PCED1B: variants seen among roughly 807,000 people sequenced by gnomAD.
The protein encoded by PCED1B is PC-esterase domain containing 1B, also known as PC-esterase domain-containing protein 1B.
For missense variants in PCED1B, 573 were observed against 573.9 expected (o/e 1.00, Z 0.02); for synonymous variants, 251 against 246.1 (o/e 1.02, Z -0.19).
chr12:47,139,868 T>C (rs1940526903), intron 2 of PCED1B, among the ~76,000 whole-genome samples: 1 of 152,020 alleles, frequency 6.6e-6, no homozygotes, highest in African/African-American at 2.4e-5. Context: ...TGCAGTATGG[T>C]ATGTGTGTAT....
At chr12:47,227,335 A>C (rs866881) in intron 3 of PCED1B, among the ~76,000 whole-genome samples, 103,832 of 151,572 alleles carry the variant, frequency 0.69, 35,710 homozygotes, top group African/African-American at 0.74. Context: ...TGATGCCCAC[A>C]TAATTTTTGT....
At position 47,205,357 on chromosome 12, in the gene PCED1B, G is replaced by A. The variant is rs58173676; in HGVS notation, c.-525-10865G>A. On this transcript the variant is annotated intron_variant, in intron 2 of 3. Coordinates refer to ENST00000546455, the MANE Select transcript of PCED1B (RefSeq NM_138371.3). The stretch of plus-strand genomic sequence containing the variant: ...TTTTATTATAGTGACGTTATCCCCA[G>A]GAGCAATTTGGAAAGGTTCAGAATC... Among the ~76,000 whole-genome samples the A allele has an allele frequency of 1.1e-4, 17 of 152,256 alleles. No homozygotes were observed. The East Asian group carries it at 3.1e-3, about 28-fold the overall frequency.
At position 47,236,313 on chromosome 12, in the gene PCED1B, G is replaced by A. The variant is rs753668115; in HGVS notation, c.1250G>A (p.Arg417Gln). The A allele has an allele frequency of 2.8e-5, 45 of 1,612,302 alleles. No individual in the cohort carries two copies. Among genetic ancestry groups the A allele is most frequent in the Non-Finnish European group, 3.4e-5 (40 of 1,179,236 alleles). Residue 417 changes from arginine to glutamine, a missense_variant, in exon 4 of 4, where the codon CGA (arginine) becomes CAA (glutamine). Physicochemically the swap from Arg to Gln is conservative, Grantham distance 43 (BLOSUM62 1). Coordinates refer to ENST00000546455, the MANE Select transcript of PCED1B (RefSeq NM_138371.3). ...TATACGCCCTGGGGACAGCGGCCTC[G>A]ACCTTCAAAGAGAAGGGCCCCAGCC... Reference protein sequence around the residue: ...GPYTPWGQRPRPSKRRAPANP... With the variant: ...GPYTPWGQRPQPSKRRAPANP...
chr12:47,177,206 G>A (rs1021979000), intron 2 of PCED1B, among the ~76,000 whole-genome samples: 1 of 152,192 alleles, frequency 6.6e-6, no homozygotes, highest in Non-Finnish European at 1.5e-5. Flanking sequence ...TCATCTGGGG[G>A]CATATGAGGA....
At chr12:47,110,446 G>A (rs1396419244) in intron 2 of PCED1B, among the ~76,000 whole-genome samples, 1 of 152,168 alleles carries the variant, frequency 6.6e-6, no homozygotes, top group Non-Finnish European at 1.5e-5. Context: ...GGAAGTGTTT[G>A]GTAACAGTTT....
chr12:47,119,032 G>T (rs1176402851), intron 2 of PCED1B, among the ~76,000 whole-genome samples: 1 of 152,036 alleles, frequency 6.6e-6, no homozygotes, highest in Non-Finnish European at 1.5e-5. Flanking sequence ...CTGGCATAAG[G>T]ATAGTCATAT....
chr12:47,208,190 C>T (rs1024985999), intron 2 of PCED1B, among the ~76,000 whole-genome samples: 1 of 152,140 alleles, frequency 6.6e-6, no homozygotes, highest in Non-Finnish European at 1.5e-5. Flanking sequence ...TCAAAGCAGT[C>T]ATACTGTTAA....
intron 2 of PCED1B, among the ~76,000 whole-genome samples, chr12:47,117,145 G>A (rs558492636): frequency 6.6e-6 from 1 of 152,252 alleles, no homozygotes; most frequent in African/African-American, 2.4e-5. Context: ...ACTGTGCCTG[G>A]CCAGCATAAT....
At chr12:47,126,566 A>G (rs1455399149) in intron 2 of PCED1B, among the ~76,000 whole-genome samples, 1 of 152,156 alleles carries the variant, frequency 6.6e-6, no homozygotes, top group Non-Finnish European at 1.5e-5. Flanking sequence ...AAACTTTTGT[A>G]AAATTAGTAT....
chr12:47,176,442 C>T (rs17097666), intron 2 of PCED1B, among the ~76,000 whole-genome samples: 5,928 of 152,264 alleles, frequency 0.039, 380 homozygotes, highest in African/African-American at 0.14. Flanking sequence ...TTGGAAACTT[C>T]AGACCCATTC....
chr12:47,101,852 A>G (rs1004241523), intron 1 of PCED1B, among the ~76,000 whole-genome samples: 13 of 152,062 alleles, frequency 8.5e-5, no homozygotes, highest in Admixed American at 8.5e-4. Flanking sequence ...AAGCTGAGGC[A>G]GGAGTGTCAT....
At chr12:47,083,390 G>A (rs1002806236) in intron 1 of PCED1B, among the ~76,000 whole-genome samples, 1 of 152,020 alleles carries the variant, frequency 6.6e-6, no homozygotes, top group Non-Finnish European at 1.5e-5. Context: ...GCTCACTGGG[G>A]TCACTGATTG....
At chr12:47,185,320 C>T (rs572932057) in intron 2 of PCED1B, among the ~76,000 whole-genome samples, 8 of 152,202 alleles carry the variant, frequency 5.3e-5, no homozygotes, top group South Asian at 4.2e-4. Context: ...AAGAAGAGAA[C>T]GCTATGTGAA....
intron 2 of PCED1B, among the ~76,000 whole-genome samples, chr12:47,211,668 AAAAAAAAAACTGGGCGC>A (rs1943086280): frequency 6.7e-6 from 1 of 150,198 alleles, no homozygotes; most frequent in African/African-American, 2.4e-5. Context: ...AAAAAAAAAA[AAAAAAAAAACTGGGCGC>A]AGTGGCTCAG....
chr12:47,221,321 T>C (rs554354891), intron 3 of PCED1B, among the ~76,000 whole-genome samples: 17 of 150,764 alleles, frequency 1.1e-4, no homozygotes, highest in Non-Finnish European at 7.4e-5. Flanking sequence ...TTCCAATATT[T>C]GTTAGACATC....
rs369187958 is a variant in PCED1B, at chr12:47,158,962, C to T, written c.-526+54767C>T. On this transcript the variant is annotated intron_variant, in intron 2 of 3. Coordinates refer to ENST00000546455, the MANE Select transcript of PCED1B (RefSeq NM_138371.3). ...TCTTTCTACTCTCTATCTCCATGAACTTTTTTAGCTCTCCCGTATGAGTAA... is the reference window on the plus strand; with the variant it reads ...TCTTTCTACTCTCTATCTCCATGAATTTTTTTAGCTCTCCCGTATGAGTAA... Among the ~76,000 whole-genome samples the T allele has an allele frequency of 2.0e-5, 3 of 152,198 alleles. No homozygotes were observed. The East Asian group carries it at 5.8e-4, about 29-fold the overall frequency.
intron 2 of PCED1B, among the ~76,000 whole-genome samples, chr12:47,152,482 A>C (rs1193557620): frequency 6.6e-6 from 1 of 152,248 alleles, no homozygotes; most frequent in Non-Finnish European, 1.5e-5. Context: ...AGTAAAGATA[A>C]AGGAATTGAT....
At chr12:47,155,471 GGT>G (rs1941163308) in intron 2 of PCED1B, among the ~76,000 whole-genome samples, 1 of 152,136 alleles carries the variant, frequency 6.6e-6, no homozygotes, top group Non-Finnish European at 1.5e-5. Context: ...GCCATTTCAT[GGT>G]GTTTTATGAT....
chr12:47,196,333 C>T (rs1942601439), intron 2 of PCED1B, among the ~76,000 whole-genome samples: 1 of 152,192 alleles, frequency 6.6e-6, no homozygotes, highest in African/African-American at 2.4e-5. Context: ...AGATACTCAA[C>T]CTATTTGTGC....
Sources: gnomAD v4.1 joint callset for allele counts (sites outside exome capture counted in the v4.1 genomes callset) on GRCh38, gnomAD v4.1.1 for gene constraint, MANE v1.5 for transcripts, NCBI Gene and HGNC (gene_info 2026-07-23, HGNC 2026-07-21) for gene names.